CDKAL1: variants seen among roughly 807,000 people sequenced by gnomAD.
CDKAL1 encodes the protein threonylcarbamoyladenosine tRNA methylthiotransferase.
CDKAL1 carries 32 observed loss-of-function variants against 68.2 expected under a neutral mutation model. That is an observed-to-expected ratio of 0.47 (90% CI 0.35 to 0.63). The LOEUF (loss-of-function observed/expected upper bound fraction) is 0.63, where lower values mean the gene tolerates loss of function less well. Among genes scored for constraint, CDKAL1 ranks in the 30% least tolerant of loss-of-function variants. CDKAL1 has a pLI of 0.00. For missense variants in CDKAL1, 606 were observed against 696.7 expected (o/e 0.87, Z 1.47); for synonymous variants, 234 against 244.3 (o/e 0.96, Z 0.39).
chr6:20,882,230 G>A (rs1299829789), intron 9 of CDKAL1, among the ~76,000 whole-genome samples: 1 of 152,142 alleles, frequency 6.6e-6, no homozygotes, highest in Non-Finnish European at 1.5e-5. Context: ...GTCTCCAAAG[G>A]CGGAAGAACG....
At chr6:20,640,880 C>T (rs555598124) in intron 4 of CDKAL1, among the ~76,000 whole-genome samples, 4 of 152,054 alleles carry the variant, frequency 2.6e-5, no homozygotes, top group African/African-American at 4.8e-5. Flanking sequence ...TGAAGGTCAA[C>T]GTGGGAGGAT....
chr6:20,878,569 G>A (rs1048314806), intron 9 of CDKAL1, among the ~76,000 whole-genome samples: 3 of 145,308 alleles, frequency 2.1e-5, no homozygotes, highest in African/African-American at 7.7e-5. Flanking sequence ...GTGAAACCCC[G>A]TGTCTACCAA....
intron 7 of CDKAL1, among the ~76,000 whole-genome samples, chr6:20,775,774 A>G (rs975109870): frequency 1.3e-5 from 2 of 152,322 alleles, no homozygotes; most frequent in Non-Finnish European, 2.9e-5. Flanking sequence ...TATATTTACT[A>G]TATGGTTTAT....
chr6:20,586,661 G>C (rs1473329091), intron 4 of CDKAL1, among the ~76,000 whole-genome samples: 1 of 152,024 alleles, frequency 6.6e-6, no homozygotes, highest in East Asian at 1.9e-4. Context: ...AAAAGGAAGT[G>C]CTCTAATCTG....
chr6:21,074,606 G>A (rs150176113), intron 12 of CDKAL1, among the ~76,000 whole-genome samples: 24 of 152,206 alleles, frequency 1.6e-4, no homozygotes, highest in African/African-American at 5.8e-4. Context: ...GGTGAAACTT[G>A]AGAGATCTGC....
At chr6:20,786,400 A>C (rs1188375982) in intron 8 of CDKAL1, among the ~76,000 whole-genome samples, 1 of 151,900 alleles carries the variant, frequency 6.6e-6, no homozygotes, top group Admixed American at 6.6e-5. Flanking sequence ...TATCATAGGG[A>C]GTCAACATGT....
chr6:20,685,080 C>T (rs1241457160), intron 5 of CDKAL1, among the ~76,000 whole-genome samples: 1 of 152,056 alleles, frequency 6.6e-6, no homozygotes, highest in Non-Finnish European at 1.5e-5. Context: ...CATTGTCAAA[C>T]CTAAGGGCAT....
chr6:20,660,991 G>T (rs1030602306), intron 5 of CDKAL1, among the ~76,000 whole-genome samples: 1 of 152,102 alleles, frequency 6.6e-6, no homozygotes, highest in African/African-American at 2.4e-5. Context: ...ACTGCTTGCT[G>T]TTGGGGAAGA....
chr6:20,921,357 G>T (rs1762947938), intron 9 of CDKAL1, among the ~76,000 whole-genome samples: 1 of 152,022 alleles, frequency 6.6e-6, no homozygotes, highest in Non-Finnish European at 1.5e-5. Flanking sequence ...TGAACCCAGG[G>T]TACAGAGGTT....
intron 7 of CDKAL1, among the ~76,000 whole-genome samples, chr6:20,775,958 G>A (rs1201329436): frequency 6.6e-6 from 1 of 151,352 alleles, no homozygotes; most frequent in Non-Finnish European, 1.5e-5. Flanking sequence ...TGACTGTTAC[G>A]TTATTTCCTA....
intron 11 of CDKAL1, among the ~76,000 whole-genome samples, chr6:21,043,343 G>GTGTT (rs1015796860): frequency 8.3e-6 from 1 of 120,952 alleles, no homozygotes; most frequent in Admixed American, 8.7e-5. Context: ...ATGTGTGTGT[G>GTGTT]TGTTTGTGTG....
rs116527634 is a variant in CDKAL1 at position 20,927,878 on chromosome 6, C to T, written c.743-27541C>T. On this transcript the variant is annotated intron_variant, in intron 9 of 15. Coordinates refer to ENST00000274695, the MANE Select transcript of CDKAL1 (RefSeq NM_017774.3). ...AGTGTTACTGAATATAAAAATTATT[C>T]TATCAGTTTTTATTAAAATCTTAGA... Among the ~76,000 whole-genome samples, 455 of 152,088 alleles carry T rather than the reference C, an allele frequency of 3.0e-3. 5 individuals are homozygous for T. The highest frequency in any genetic ancestry group is 0.01 in the African/African-American group (431 of 41,504).
intron 9 of CDKAL1, among the ~76,000 whole-genome samples, chr6:20,931,069 A>G (rs867822219): frequency 2.6e-5 from 4 of 152,148 alleles, no homozygotes; most frequent in Admixed American, 1.3e-4. Context: ...TAGACCAGGA[A>G]ACCTAAGCTC....
chr6:21,145,397 C>G (rs1462958273), intron 13 of CDKAL1, among the ~76,000 whole-genome samples: 2 of 152,056 alleles, frequency 1.3e-5, no homozygotes, highest in South Asian at 4.1e-4. Context: ...TTTTTTTCCC[C>G]TCCTCCTGTG....
chr6:20,946,539 A>G (rs996266102), intron 9 of CDKAL1, among the ~76,000 whole-genome samples: 1 of 149,940 alleles, frequency 6.7e-6, no homozygotes, highest in African/African-American at 2.5e-5. Context: ...CTTTAAATGC[A>G]TTTTCAACTT....
chr6:20,710,670 G>A (rs536468170), intron 5 of CDKAL1, among the ~76,000 whole-genome samples: 2 of 152,268 alleles, frequency 1.3e-5, no homozygotes, highest in South Asian at 4.1e-4. Flanking sequence ...AAAAGTGGAG[G>A]AGATAACTAG....
At chr6:20,943,752 A>G (rs1764103172) in intron 9 of CDKAL1, among the ~76,000 whole-genome samples, 1 of 150,860 alleles carries the variant, frequency 6.6e-6, no homozygotes, top group African/African-American at 2.4e-5. Flanking sequence ...CATGTTTGTC[A>G]TTTCTGACTG....
At chr6:21,145,822 C>G (rs1776138667) in intron 13 of CDKAL1, among the ~76,000 whole-genome samples, 1 of 152,120 alleles carries the variant, frequency 6.6e-6, no homozygotes, top group African/African-American at 2.4e-5. Flanking sequence ...ATCACTTGAA[C>G]CCAAGAGTTC....
chr6:20,742,795 A>G (rs1368340942), intron 6 of CDKAL1, among the ~76,000 whole-genome samples: 1 of 152,086 alleles, frequency 6.6e-6, no homozygotes, highest in Non-Finnish European at 1.5e-5. Flanking sequence ...ATTACATATT[A>G]TTAAAGTATA....
Sources: gnomAD v4.1 joint callset for allele counts (sites outside exome capture counted in the v4.1 genomes callset) on GRCh38, gnomAD v4.1.1 for gene constraint, MANE v1.5 for transcripts, NCBI Gene and HGNC (gene_info 2026-07-23, HGNC 2026-07-21) for gene names.